ST3GAL3: variants seen among roughly 807,000 people sequenced by gnomAD.
ST3GAL3 encodes CMP-N-acetylneuraminate-beta-1,4-galactoside alpha-2,3-sialyltransferase.
Under a neutral mutation model 50.1 loss-of-function variants are expected in ST3GAL3, and 21 were observed. The observed-to-expected ratio is 0.42, with a 90% CI of 0.30 to 0.60. The LOEUF is 0.60. ST3GAL3 is among the 20% of genes least tolerant of loss of function. The pLI is 0.19. For synonymous variants in ST3GAL3, 183 were observed against 190.0 expected, an observed-to-expected ratio of 0.96 and a Z score of 0.30; for missense variants, 353 against 489.4, an observed-to-expected ratio of 0.72 and a Z score of 2.63.
At chr1:43,734,380 C>G (rs937101495) in intron 1 of ST3GAL3, among the ~76,000 whole-genome samples, 1 of 143,166 alleles carries the variant, frequency 7.0e-6, no homozygotes, top group Admixed American at 7.2e-5. Flanking sequence ...TCACAACTCA[C>G]TGCAGCCTCA....
intron 2 of ST3GAL3, among the ~76,000 whole-genome samples, chr1:43,758,272 A>G (rs1189329012): frequency 6.6e-6 from 1 of 151,616 alleles, no homozygotes; most frequent in African/African-American, 2.4e-5. Context: ...TTTTTTTAAG[A>G]CATGGTCTTG....
chr1:43,845,558 A>G (rs1364282315), intron 5 of ST3GAL3, among the ~76,000 whole-genome samples: 2 of 151,880 alleles, frequency 1.3e-5, no homozygotes, highest in East Asian at 3.9e-4. Context: ...GAGGTTTATC[A>G]TTTTTTGTTG....
At chr1:43,865,485 A>G (rs1008122795) in intron 5 of ST3GAL3, among the ~76,000 whole-genome samples, 1 of 152,000 alleles carries the variant, frequency 6.6e-6, no homozygotes, top group Non-Finnish European at 1.5e-5. Context: ...CCCTTCCTCT[A>G]TTATTAATTT....
intron 2 of ST3GAL3, among the ~76,000 whole-genome samples, chr1:43,776,849 C>G (rs146664257): frequency 2.0e-5 from 3 of 152,132 alleles, no homozygotes; most frequent in Non-Finnish European, 4.4e-5. Context: ...AATTGCTAGG[C>G]GTACAAAATT....
chr1:43,772,901 C>T (rs929686701), intron 2 of ST3GAL3, among the ~76,000 whole-genome samples: 2 of 152,120 alleles, frequency 1.3e-5, no homozygotes, highest in Non-Finnish European at 2.9e-5. Flanking sequence ...CACGTGCCAC[C>T]AGGCCCAGCT....
intron 5 of ST3GAL3, among the ~76,000 whole-genome samples, chr1:43,877,724 C>T (rs2074373178): frequency 6.6e-6 from 1 of 152,160 alleles, no homozygotes; most frequent in Non-Finnish European, 1.5e-5. Flanking sequence ...GTCGCATTTT[C>T]CAGCCTTTTC....
At chr1:43,857,502 T>TTC (rs1558603463) in intron 5 of ST3GAL3, among the ~76,000 whole-genome samples, 31 of 110,016 alleles carry the variant, frequency 2.8e-4, no homozygotes, top group African/African-American at 9.2e-4. Context: ...CTTCCTTCCC[T>TTC]CTTCCTTCCT....
chr1:43,917,623 T>A (rs1484012613), intron 9 of ST3GAL3, among the ~76,000 whole-genome samples: 8,769 of 77,468 alleles, frequency 0.11, 703 homozygotes, highest in South Asian at 0.24. Flanking sequence ...TATATTATAT[T>A]ATATATAATA....
intron 2 of ST3GAL3, among the ~76,000 whole-genome samples, chr1:43,783,099 A>T (rs1255764785): frequency 6.6e-6 from 1 of 152,128 alleles, no homozygotes; most frequent in Non-Finnish European, 1.5e-5. Context: ...CTTTTTACAG[A>T]TGAGGAAATT....
intron 5 of ST3GAL3, among the ~76,000 whole-genome samples, chr1:43,878,642 T>C (rs148232887): frequency 1.3e-5 from 2 of 151,936 alleles, no homozygotes; most frequent in African/African-American, 2.4e-5. Context: ...AGAGAGGAAG[T>C]TGGGGTGAGG....
At chr1:43,743,175 GA>G (rs1043675241) in intron 2 of ST3GAL3, among the ~76,000 whole-genome samples, 10 of 145,778 alleles carry the variant, frequency 6.9e-5, no homozygotes, top group Admixed American at 2.1e-4. Context: ...TCATCTGAAG[GA>G]AAAAAAAATA....
At chr1:43,804,305 G>A (rs532443509) in intron 3 of ST3GAL3, among the ~76,000 whole-genome samples, 1 of 152,298 alleles carries the variant, frequency 6.6e-6, no homozygotes, top group South Asian at 2.1e-4. Flanking sequence ...CTCTGCTCCT[G>A]TATTCCTGGA....
At chr1:43,918,595 C>CATAT (rs534383104) in intron 9 of ST3GAL3, among the ~76,000 whole-genome samples, 3 of 150,262 alleles carry the variant, frequency 2.0e-5, no homozygotes, top group Non-Finnish European at 3.0e-5. Context: ...GGTTTTGAAT[C>CATAT]ATATATATAT....
intron 1 of ST3GAL3, among the ~76,000 whole-genome samples, chr1:43,712,633 C>T (rs952816366): frequency 6.6e-6 from 1 of 152,148 alleles, no homozygotes; most frequent in Admixed American, 6.5e-5. Context: ...TAAAAGCGCA[C>T]CTGATATCGT....
At chr1:43,721,469 T>G (rs936732509) in intron 1 of ST3GAL3, among the ~76,000 whole-genome samples, 1 of 151,470 alleles carries the variant, frequency 6.6e-6, no homozygotes, top group Non-Finnish European at 1.5e-5. Context: ...CCCACCCAGC[T>G]AATTTTGTAG....
At chr1:43,789,215 T>C (rs1414498695) in intron 2 of ST3GAL3, among the ~76,000 whole-genome samples, 1 of 152,126 alleles carries the variant, frequency 6.6e-6, no homozygotes, top group African/African-American at 2.4e-5. Context: ...ATGGGCTATG[T>C]TGGAGGCAGA....
intron 11 of ST3GAL3, among the ~76,000 whole-genome samples, chr1:43,929,119 C>T (rs1265833172): frequency 6.6e-6 from 1 of 151,978 alleles, no homozygotes; most frequent in East Asian, 1.9e-4. Flanking sequence ...TCCCCAGAAG[C>T]CTCTTCTAGT....
chr1:43,781,832 T>C (rs564529806), intron 2 of ST3GAL3, among the ~76,000 whole-genome samples: 1 of 152,122 alleles, frequency 6.6e-6, no homozygotes, highest in Non-Finnish European at 1.5e-5. Flanking sequence ...TCCCATTTCA[T>C]AGAGAAAATA....
chr1:43,919,540 T>C (rs1428905263), intron 9 of ST3GAL3: 10 of 152,290 alleles, frequency 6.6e-5, no homozygotes, highest in Admixed American at 6.5e-4. Flanking sequence ...GTTCGGGATT[T>C]CCCTAGACTA....
Sources: allele counts gnomAD v4.1 joint callset (sites outside exome capture counted in the v4.1 genomes callset), GRCh38; gene constraint gnomAD v4.1.1; transcripts MANE v1.5; gene names NCBI Gene and HGNC (gene_info 2026-07-23, HGNC 2026-07-21).